PCED1B: variants seen among roughly 807,000 people sequenced by gnomAD.
The protein encoded by PCED1B is PC-esterase domain-containing protein 1B.
For synonymous variants in PCED1B, 251 were observed against 246.1 expected, an observed-to-expected ratio of 1.02 and a Z score of -0.19; for missense variants, 573 against 573.9, an observed-to-expected ratio of 1.00 and a Z score of 0.02.
Position 47,161,412 on chromosome 12 carries a change from CT to C in PCED1B, c.-525-54806del, listed in dbSNP as rs371530978. Among the ~76,000 whole-genome samples the C allele has an allele frequency of 5.4e-3, 824 of 152,278 alleles. 11 individuals are homozygous for C. The highest frequency in any genetic ancestry group is 0.018 in the African/African-American group (759 of 41,562). ...GTGAGGGTATGTTTCTGGGCTCTCTCTTTTATTTCATTGGTGGATATGTGTG... is the reference window on the plus strand; with the variant it reads ...GTGAGGGTATGTTTCTGGGCTCTCTCTTTATTTCATTGGTGGATATGTGTG... On this transcript the variant is annotated intron_variant, in intron 2 of 3. Transcript: ENST00000546455.
chr12:47,189,961 G>A (rs1227401389), intron 2 of PCED1B, among the ~76,000 whole-genome samples: 1 of 152,092 alleles, frequency 6.6e-6, no homozygotes. Context: ...AGCCCTGCTC[G>A]GCTCCTCCCT....
intron 3 of PCED1B, among the ~76,000 whole-genome samples, chr12:47,232,498 C>T (rs919329020): frequency 2.6e-5 from 4 of 152,172 alleles, no homozygotes; most frequent in African/African-American, 9.7e-5. Flanking sequence ...CCACCCATAC[C>T]TATTAAAATG....
intron 2 of PCED1B, among the ~76,000 whole-genome samples, chr12:47,110,276 T>C (rs1939133654): frequency 1.3e-5 from 2 of 152,190 alleles, no homozygotes; most frequent in African/African-American, 4.8e-5. Flanking sequence ...TGTCCCCACT[T>C]TGAGGTTAAA....
At chr12:47,160,945 G>C (rs556010043) in intron 2 of PCED1B, among the ~76,000 whole-genome samples, 90 of 152,164 alleles carry the variant, frequency 5.9e-4, no homozygotes, top group Non-Finnish European at 1.2e-3. Flanking sequence ...GAATGGATTA[G>C]TTCCTACAAG....
intron 2 of PCED1B, among the ~76,000 whole-genome samples, chr12:47,110,352 G>C (rs1191489147): frequency 6.7e-6 from 1 of 149,190 alleles, no homozygotes; most frequent in African/African-American, 2.5e-5. Flanking sequence ...AGCGCAATAG[G>C]GTTCCACTTC....
chr12:47,227,776 C>G (rs535453758), intron 3 of PCED1B, among the ~76,000 whole-genome samples: 9 of 152,000 alleles, frequency 5.9e-5, no homozygotes, highest in African/African-American at 1.9e-4. Flanking sequence ...TTGCTTGAAC[C>G]CTGGAGGCAA....
intron 2 of PCED1B, among the ~76,000 whole-genome samples, chr12:47,197,911 T>G (rs911133903): frequency 6.6e-6 from 1 of 152,152 alleles, no homozygotes; most frequent in Non-Finnish European, 1.5e-5. Flanking sequence ...AATAACCATC[T>G]AAAACAGAAA....
intron 2 of PCED1B, among the ~76,000 whole-genome samples, chr12:47,148,225 C>T (rs796517769): frequency 1.3e-5 from 2 of 152,262 alleles, no homozygotes; most frequent in African/African-American, 4.8e-5. Flanking sequence ...CATGAGGGAG[C>T]CTTCATGGCC....
At chr12:47,142,094 C>T (rs1234556753) in intron 2 of PCED1B, among the ~76,000 whole-genome samples, 1 of 152,170 alleles carries the variant, frequency 6.6e-6, no homozygotes, top group Non-Finnish European at 1.5e-5. Context: ...GACCAAGCTT[C>T]GAACCCTGAA....
chr12:47,089,476 ATATATATATATATATATG>A lies in PCED1B; in HGVS notation c.-609+9758_-609+9775del, dbSNP rs1179817836. Among the ~76,000 whole-genome samples, 119 of 90,402 alleles carry A rather than the reference ATATATATATATATATATG, an allele frequency of 1.3e-3. 4 individuals carry two copies. Among genetic ancestry groups the A allele is most frequent in the South Asian group, 9.0e-3 (17 of 1,880 alleles). The allele number at this position is 90,402 out of a possible 152,430, so 59.3% of individuals were successfully genotyped here. On this transcript the variant is annotated intron_variant, in intron 1 of 3. Coordinates refer to ENST00000546455, the MANE Select transcript of PCED1B (RefSeq NM_138371.3). ...AAAAAAAATACATATATATATATAT[ATATATATATATATATATG>A]TATATACCAAAAAACATACCTACCT...
chr12:47,226,032 C>T (rs924948508), intron 3 of PCED1B, among the ~76,000 whole-genome samples: 4 of 152,088 alleles, frequency 2.6e-5, no homozygotes, highest in African/African-American at 9.7e-5. Flanking sequence ...TAATTATCCC[C>T]AAACAGGGAA....
chr12:47,117,589 G>C (rs1939481629), intron 2 of PCED1B, among the ~76,000 whole-genome samples: 2 of 152,066 alleles, frequency 1.3e-5, no homozygotes, highest in Non-Finnish European at 1.5e-5. Context: ...TCTTAATCCA[G>C]TCTATCATTG....
intron 2 of PCED1B, chr12:47,135,746 G>A: frequency 1.9e-6 from 1 of 532,572 alleles, no homozygotes; most frequent in East Asian, 5.3e-5. Context: ...CGGGCACGGA[G>A]GTCTCACTGC....
chr12:47,083,344 C>G (rs568804798), intron 1 of PCED1B, among the ~76,000 whole-genome samples: 2 of 151,906 alleles, frequency 1.3e-5, no homozygotes, highest in Admixed American at 6.5e-5. Flanking sequence ...CCTCTTTTTT[C>G]GGCGTGAGGC....
chr12:47,165,564 C>T (rs1941519254), intron 2 of PCED1B, among the ~76,000 whole-genome samples: 1 of 152,166 alleles, frequency 6.6e-6, no homozygotes, highest in Non-Finnish European at 1.5e-5. Flanking sequence ...ATTCACAAGG[C>T]TAAAAAGTTC....
chr12:47,166,881 T>C (rs1438871511), intron 2 of PCED1B, among the ~76,000 whole-genome samples: 2 of 152,176 alleles, frequency 1.3e-5, no homozygotes, highest in African/African-American at 4.8e-5. Flanking sequence ...AAAAACAGTT[T>C]TAATTATGTA....
chr12:47,220,419 A>AC (rs983787226), intron 3 of PCED1B, among the ~76,000 whole-genome samples: 6 of 152,020 alleles, frequency 3.9e-5, no homozygotes, highest in African/African-American at 1.4e-4. Context: ...TGATCCACCC[A>AC]CCTCGGCCTC....
At chr12:47,106,109 G>A (rs1364071972) in intron 2 of PCED1B, among the ~76,000 whole-genome samples, 3 of 152,146 alleles carry the variant, frequency 2.0e-5, no homozygotes, top group African/African-American at 7.2e-5. Context: ...GTGTGTGACA[G>A]GTCCATTGCC....
At chr12:47,212,259 A>G (rs1169637876) in intron 2 of PCED1B, among the ~76,000 whole-genome samples, 2 of 152,070 alleles carry the variant, frequency 1.3e-5, no homozygotes, top group Non-Finnish European at 2.9e-5. Context: ...AGCATAGGTG[A>G]CAGAGCAAGA....
Sources: allele counts gnomAD v4.1 joint callset (sites outside exome capture counted in the v4.1 genomes callset), GRCh38; gene constraint gnomAD v4.1.1; transcripts MANE v1.5; gene names NCBI Gene and HGNC (gene_info 2026-07-23, HGNC 2026-07-21).